Variants in EDA observed in about 807,000 individuals in gnomAD.
The protein encoded by EDA is ectodysplasin A.
EDA carries 2 observed loss-of-function variants against 23.6 expected under a neutral mutation model. That is an observed-to-expected ratio of 0.08 (90% CI 0.03 to 0.27). The LOEUF is 0.27. Among genes scored for constraint, EDA ranks in the 10% least tolerant of loss-of-function variants. The pLI is 1.00. For synonymous variants in EDA, 131 were observed against 132.0 expected (o/e 0.99, Z 0.05); for missense variants, 229 against 324.2 (o/e 0.71, Z 2.26).
At chrX:70,033,314 G>A in intron 6 of EDA, 84 bp from the exon 7 acceptor site, 1 of 1,163,916 alleles carries the variant, frequency 8.6e-7, no homozygotes, top group South Asian at 1.8e-5. Context: ...ATAGGGGTGG[G>A]GGTTGTGAAC....
intron 1 of EDA, among the ~76,000 whole-genome samples, chrX:69,709,736 C>T (rs768396809): frequency 4.4e-4 from 49 of 111,961 alleles, no homozygotes; most frequent in African/African-American, 1.6e-3. Context: ...CTCTAGAGAT[C>T]CTCTCACCTC....
At chrX:69,776,086 A>T (rs900398289) in intron 1 of EDA, among the ~76,000 whole-genome samples, 2 of 111,903 alleles carry the variant, frequency 1.8e-5, no homozygotes, top group Non-Finnish European at 3.8e-5. Context: ...TAATGTATTA[A>T]TGGTAGTTTC....
chrX:69,949,262 A>G (rs777367439), intron 1 of EDA, among the ~76,000 whole-genome samples: 1 of 112,216 alleles, frequency 8.9e-6, no homozygotes, highest in African/African-American at 3.2e-5. Flanking sequence ...GATAGAAGAA[A>G]AGGTGAAAAA....
chrX:69,688,929 C>T (rs946512057), intron 1 of EDA, among the ~76,000 whole-genome samples: 2 of 112,093 alleles, frequency 1.8e-5, no homozygotes, highest in Non-Finnish European at 3.8e-5. Flanking sequence ...AATTTTTATA[C>T]GTGGTGTGAG....
intron 2 of EDA, among the ~76,000 whole-genome samples, chrX:69,959,083 G>A (rs1219964480): frequency 1.8e-5 from 2 of 111,778 alleles, no homozygotes; most frequent in Admixed American, 9.5e-5. Context: ...AGCTACCAAC[G>A]TCTCTGATAC....
chrX:69,837,206 G>A (rs1472412580), intron 1 of EDA, among the ~76,000 whole-genome samples: 4 of 111,237 alleles, frequency 3.6e-5, no homozygotes, highest in Non-Finnish European at 5.7e-5. Context: ...CAAAAATAAA[G>A]TCTAGAAAAG....
At chrX:69,981,181 C>A (rs1028547753) in intron 2 of EDA, among the ~76,000 whole-genome samples, 1 of 111,438 alleles carries the variant, frequency 9.0e-6, no homozygotes, top group Admixed American at 9.6e-5. Context: ...CTCTCTTTAC[C>A]GCTAGATCCT....
At chrX:69,965,740 C>A (rs1268827361) in intron 2 of EDA, among the ~76,000 whole-genome samples, 2 of 112,263 alleles carry the variant, frequency 1.8e-5, no homozygotes, top group African/African-American at 6.5e-5. Flanking sequence ...TTAAAATAAA[C>A]AGATAAAATT....
chrX:69,809,842 A>G (rs963564836), intron 1 of EDA, among the ~76,000 whole-genome samples: 19 of 111,487 alleles, frequency 1.7e-4, no homozygotes, highest in African/African-American at 6.2e-4. Context: ...TTGTAGAGGC[A>G]CAAAAGCTAA....
At chrX:69,805,301 T>A (rs998979564) in intron 1 of EDA, among the ~76,000 whole-genome samples, 1 of 111,468 alleles carries the variant, frequency 9.0e-6, no homozygotes, top group African/African-American at 3.2e-5. Context: ...AGGAACCATA[T>A]CTGCCTTTGC....
At chrX:69,704,767 C>T (rs373877180) in intron 1 of EDA, among the ~76,000 whole-genome samples, 1 of 111,414 alleles carries the variant, frequency 9.0e-6, no homozygotes, top group African/African-American at 3.3e-5. Context: ...AAACTTGTAT[C>T]CCATTTACAT....
At chrX:69,673,480 C>T (rs772996010) in intron 1 of EDA, among the ~76,000 whole-genome samples, 5 of 110,972 alleles carry the variant, frequency 4.5e-5, no homozygotes, top group Non-Finnish European at 7.6e-5. Context: ...AGTTAAGGAA[C>T]GGAAAGGTCA....
At chrX:69,681,247 C>T (rs1158787011) in intron 1 of EDA, among the ~76,000 whole-genome samples, 1 of 110,019 alleles carries the variant, frequency 9.1e-6, no homozygotes, top group Non-Finnish European at 1.9e-5. Context: ...CTCTGGTTGC[C>T]CTTAACATTT....
At chrX:69,677,092 T>C (rs1420668599) in intron 1 of EDA, among the ~76,000 whole-genome samples, 4 of 98,937 alleles carry the variant, frequency 4.0e-5, no homozygotes, top group Non-Finnish European at 6.1e-5. Context: ...GGTTTTTTGT[T>C]CTTGCGATAG....
rs192168898 is a variant in EDA at position 69,792,364 on chromosome X, G to T, written c.397-164663G>T. Among the ~76,000 whole-genome samples the T allele has an allele frequency of 6.3e-3, 704 of 111,634 alleles. 1 individual carries two copies. The highest frequency in any genetic ancestry group is 0.014 in the Middle Eastern group (3 of 216). On this transcript the variant is annotated intron_variant, in intron 1 of 7. Coordinates refer to ENST00000374552, the MANE Select transcript of EDA (RefSeq NM_001399.5). ...TATACCACATTTTCTTTATCCACTG[G>T]TTTGTCACAAGGCACTTAGGTTGCT...
rs752279142 is a variant in EDA, at chrX:70,027,908, C to T, written c.578C>T (p.Pro193Leu). The change falls in exon 4 of 8, where the codon CCT becomes CTT. Residue 193 changes from proline (P) to leucine (L), a missense_variant. Pro to Leu is a moderately conservative substitution (Grantham distance 98). Transcript: ENST00000374552. ...AATGGCCCTCCAGGACCCCCAGGACCTCCAGGACCCCAGGGACCCCCAGGA... is the reference window on the plus strand; with the variant it reads ...AATGGCCCTCCAGGACCCCCAGGACTTCCAGGACCCCAGGGACCCCCAGGA... ...GPNGPPGPPG[P>L]PGPQGPPGIP... The T allele has an allele frequency of 8.6e-7, 1 of 1,164,153 alleles. No individual in the cohort carries two copies. The highest frequency in any genetic ancestry group is 1.2e-6 in the Non-Finnish European group (1 of 864,416).
intron 1 of EDA, among the ~76,000 whole-genome samples, chrX:69,855,101 T>C (rs752288429): frequency 2.2e-4 from 25 of 111,681 alleles, no homozygotes; most frequent in Non-Finnish European, 3.0e-4. Context: ...TTTTTGGCAG[T>C]GTATATGTCT....
chrX:70,000,643 G>A (rs895722824), intron 2 of EDA, among the ~76,000 whole-genome samples: 7 of 112,191 alleles, frequency 6.2e-5, no homozygotes, highest in African/African-American at 2.3e-4. Flanking sequence ...ATAGAATTTT[G>A]CAAAAAGATG....
chrX:69,878,741 C>T, intron 1 of EDA, among the ~76,000 whole-genome samples: 1 of 109,786 alleles, frequency 9.1e-6, no homozygotes. Context: ...CACACACACA[C>T]ACACACACCG....
Sources: allele counts gnomAD v4.1 joint callset (sites outside exome capture counted in the v4.1 genomes callset), GRCh38; gene constraint gnomAD v4.1.1; transcripts MANE v1.5; gene names NCBI Gene and HGNC (gene_info 2026-07-23, HGNC 2026-07-21).